Variants in TAOK2 observed in about 807,000 individuals in gnomAD.
TAOK2 encodes serine/threonine-protein kinase TAO2.
A neutral mutation model predicts 122.5 loss-of-function variants in TAOK2; 42 were observed. The ratio of observed to expected loss-of-function variants is 0.34; its 90% CI spans 0.27 to 0.44. TAOK2 has a LOEUF of 0.44. TAOK2 is among the 20% of genes least tolerant of loss of function. TAOK2 has a pLI of 1.00. For synonymous variants in TAOK2, 704 were observed against 677.6 expected (o/e 1.04, Z -0.61); for missense variants, 1,264 against 1,644.9 (o/e 0.77, Z 4.01).
chr16:29,980,261 C>G (rs767799251), intron 8 of TAOK2: 9 of 152,224 alleles, frequency 5.9e-5, no homozygotes, highest in East Asian at 1.9e-4. Context: ...TATAAGGCTT[C>G]CAACACAATG....
rs1191377618 is a variant in TAOK2, at chr16:29,978,956, T to G, written c.353-18T>G. 5 of 1,614,060 alleles carry G rather than the reference T, an allele frequency of 3.1e-6. No individual in the cohort carries two copies. The African/African-American group carries it at 6.7e-5, about 22-fold the overall frequency. ...ACCCTTGCGCTCCCTCGGGTTGATGTTCTTCCTCACTCTCCAGTGCACAAG... is the reference window on the plus strand; with the variant it reads ...ACCCTTGCGCTCCCTCGGGTTGATGGTCTTCCTCACTCTCCAGTGCACAAG... On this transcript the variant is annotated intron_variant, in intron 5 of 15. Transcript: ENST00000308893.
At chr16:29,982,226 A>T (rs2069640572) in intron 10 of TAOK2, among the ~76,000 whole-genome samples, 1 of 152,238 alleles carries the variant, frequency 6.6e-6, no homozygotes, top group Admixed American at 6.5e-5. Flanking sequence ...GGGTTGCCCC[A>T]CTGATCTGAT....
chr16:29,989,843 C>T, downstream of TAOK2: 1 of 1,600,344 alleles, frequency 6.2e-7, no homozygotes, highest in South Asian at 1.1e-5. Flanking sequence ...GCGCTAGAGG[C>T]CAGGCTCTGT....
downstream of TAOK2, chr16:29,990,843 G>A (rs2069949239): frequency 2.5e-6 from 4 of 1,613,424 alleles, no homozygotes; most frequent in Non-Finnish European, 3.4e-6. Context: ...AGCTTCAACA[G>A]GAGCTGGAGC....
chr16:29,978,423 C>T, intron 4 of TAOK2, 70 bp downstream of exon 4: 1 of 1,499,126 alleles, frequency 6.7e-7, no homozygotes, highest in Non-Finnish European at 9.3e-7. Context: ...AGTCCAGTCT[C>T]TTAGGTGGTC....
rs777606144 is a variant in TAOK2, at chr16:29,985,642, C to G, written c.1789-16C>G. On this transcript the variant is annotated splice_polypyrimidine_tract_variant and intron_variant, in intron 14 of 15. Coordinates refer to ENST00000308893, the MANE Select transcript of TAOK2 (RefSeq NM_016151.4). This position sits in a 1 kb window ranked among gnomAD's most constrained non-coding sequence, Gnocchi z 6.9. ...CCAGGTGGGTCCTGACCCTGCTTCC[C>G]TCTGCACTCGCCCAGGAGCTCCAGG... 6.2e-7 allele frequency: 1 copy of G among 1,611,366 alleles called. No individual in the cohort carries two copies. Among genetic ancestry groups the G allele is most frequent in the African/African-American group, 1.3e-5 (1 of 74,904 alleles).
chr16:29,989,155 G>C, downstream of TAOK2: 3 of 984,906 alleles, frequency 3.0e-6, no homozygotes, highest in Non-Finnish European at 3.6e-6. Context: ...GCTTGTTCTC[G>C]TGCACGTTCT....
Position 29,985,978 on chromosome 16 carries a change from G to A in TAOK2, c.1992+117G>A. 2 of 1,313,742 alleles carry A rather than the reference G, an allele frequency of 1.5e-6. No individual in the cohort carries two copies. The highest frequency in any genetic ancestry group is 2.1e-6 in the Non-Finnish European group (2 of 957,668). 81.4% of individuals were successfully genotyped at this position (1,313,742 alleles called of 1,614,324 possible). On this transcript the variant is annotated intron_variant, in intron 15 of 15. Coordinates refer to ENST00000308893, the MANE Select transcript of TAOK2 (RefSeq NM_016151.4). The surrounding 1 kb of genome is among the most constrained non-coding windows in gnomAD (Gnocchi z 6.9). Reference sequence around the variant, plus strand: ...CTTGGCCCTCGAGTGTTACAGTTCAGCTTTGCTTCAGTGCCCCTTTTACTT... The same window carrying A: ...CTTGGCCCTCGAGTGTTACAGTTCAACTTTGCTTCAGTGCCCCTTTTACTT...
At chr16:29,988,449 C>A, downstream of TAOK2, 2 of 1,256,740 alleles carry the variant, frequency 1.6e-6, no homozygotes. Flanking sequence ...CTAGCCTCCC[C>A]GGTATGCCCC....
intron 4 of TAOK2, 40 bp downstream of exon 4, chr16:29,978,393 T>C: frequency 6.3e-7 from 1 of 1,589,352 alleles, no homozygotes; most frequent in Non-Finnish European, 8.6e-7. Context: ...TTTACTCCTA[T>C]TCATGCCCGT....
downstream of TAOK2, chr16:29,989,820 C>T: frequency 3.7e-6 from 6 of 1,611,652 alleles, no homozygotes; most frequent in African/African-American, 1.3e-5. Context: ...GGCCTGGGGT[C>T]CAGGGAGGGA....
rs1313275626 is a variant in TAOK2 at position 29,978,310 on chromosome 16, C to T, written c.263C>T (p.Thr88Ile). The change falls in exon 4 of 16, where the codon ACC (threonine) becomes ATC (isoleucine). Residue 88 changes from threonine to isoleucine, a missense_variant. Thr to Ile is a moderately conservative substitution (Grantham distance 89). Around this residue, in one of 4 missense-constraint regions of TAOK2, gnomAD observed 254 missense variants for 503.8 expected, o/e 0.50. Transcript: ENST00000308893. ...RFLQKLRHPN[T>I]IQYRGCYLRE... ...TTACAGAAGCTCCGGCATCCCAACA[C>T]CATTCAGTACCGGGGCTGTTACCTG... 6.2e-7 allele frequency: 1 copy of T among 1,614,026 alleles called. No homozygotes were observed. The highest frequency in any genetic ancestry group is 1.3e-5 in the African/African-American group (1 of 74,884).
chr16:29,985,732 G>A lies in TAOK2; in HGVS notation c.1863G>A (p.Gln621=), dbSNP rs144417212. 47 of 1,609,560 alleles carry A rather than the reference G, an allele frequency of 2.9e-5. No homozygotes were observed. Among genetic ancestry groups the A allele is most frequent in the Non-Finnish European group, 3.8e-5 (45 of 1,178,752 alleles). ...EWLLRQKEQL[Q]QCQAEEEAGL... ...TGCTGCGGCAGAAGGAGCAGCTCCA[G>A]CAGTGCCAGGCGGAGGAGGAAGCAG... Residue 621 remains glutamine (Q), a synonymous_variant, in exon 15 of 16, where the codon CAG becomes CAA. Transcript: ENST00000308893. The surrounding 1 kb of genome is among the most constrained non-coding windows in gnomAD (Gnocchi z 6.9).
chr16:29,990,960 G>T (rs1656820934), downstream of TAOK2: 2 of 1,611,398 alleles, frequency 1.2e-6, no homozygotes, highest in African/African-American at 2.7e-5. Flanking sequence ...CACTGCTGGA[G>T]CAGCGGGTAA....
chr16:29,981,821 C>A, intron 9 of TAOK2, 38 bp from the exon 10 acceptor site: 1 of 1,599,084 alleles, frequency 6.3e-7, no homozygotes, highest in Non-Finnish European at 8.6e-7. Flanking sequence ...CTGACTCATG[C>A]CTTCCCCACC....
chr16:29,989,173 G>C (rs988777332), downstream of TAOK2: 4 of 985,170 alleles, frequency 4.1e-6, no homozygotes, highest in Non-Finnish European at 3.6e-6. Context: ...TCTCATATTT[G>C]CTCACGTGCT....
downstream of TAOK2, chr16:29,990,841 C>G: frequency 1.2e-6 from 2 of 1,613,432 alleles, no homozygotes; most frequent in Non-Finnish European, 1.7e-6. Context: ...GCAGCTTCAA[C>G]AGGAGCTGGA....
intron 8 of TAOK2, chr16:29,981,385 T>TATTG: frequency 1.7e-6 from 1 of 596,172 alleles, no homozygotes; most frequent in Non-Finnish European, 3.0e-6. Flanking sequence ...TTAGTTGGGG[T>TATTG]GATAACTGAA....
downstream of TAOK2, chr16:29,991,020 C>A: frequency 6.3e-7 from 1 of 1,583,432 alleles, no homozygotes; most frequent in South Asian, 1.2e-5. This position sits in a 1 kb window ranked among gnomAD's most constrained non-coding sequence, Gnocchi z 5.6. Flanking sequence ...CTGCCCCCGA[C>A]TCTAACCTCT....
Sources: gnomAD v4.1 joint callset for allele counts (sites outside exome capture counted in the v4.1 genomes callset) on GRCh38, gnomAD v4.1.1 for gene constraint, gnomAD v4.1.1 regional missense constraint, Gnocchi (gnomAD v3.1) non-coding constraint, MANE v1.5 for transcripts, NCBI Gene and HGNC (gene_info 2026-07-23, HGNC 2026-07-21) for gene names.